NAALADL2: variants seen among roughly 807,000 people sequenced by gnomAD.
NAALADL2 encodes the protein N-acetylated alpha-linked acidic dipeptidase like 2, also known as inactive N-acetylated-alpha-linked acidic dipeptidase-like protein 2.
In NAALADL2, 76 loss-of-function variants were observed where a neutral mutation model predicts 87.2. The observed-to-expected ratio is 0.87, with a 90% CI of 0.72 to 1.05. NAALADL2 has a LOEUF of 1.05. NAALADL2 is among the 50% of genes least tolerant of loss of function. The pLI is 0.00. For missense variants in NAALADL2, 1,089 were observed against 945.8 expected (o/e 1.15, Z -1.99); for synonymous variants, 354 against 331.0 (o/e 1.07, Z -0.75).
At chr3:174,822,614 C>A (rs1403033972) in intron 3 of NAALADL2, among the ~76,000 whole-genome samples, 12 of 152,054 alleles carry the variant, frequency 7.9e-5, no homozygotes, top group Admixed American at 7.9e-4. Context: ...AAGAGCTGAG[C>A]TGGGTCTTGA....
In NAALADL2 at chr3:175,803,393, A is replaced by G; in HGVS notation, c.*190A>G. The G allele has an allele frequency of 2.5e-6, 1 of 404,012 alleles. No homozygotes were observed. Among genetic ancestry groups the G allele is most frequent in the Non-Finnish European group, 4.4e-6 (1 of 228,098 alleles). 25.0% of individuals were successfully genotyped at this position (404,012 alleles called of 1,614,324 possible). Reference sequence around the variant, plus strand: ...TTTGCACATTTAATATTTTTCTTATATCTACATTTCTGAATATGTAAAGCA... The same window carrying G: ...TTTGCACATTTAATATTTTTCTTATGTCTACATTTCTGAATATGTAAAGCA... On this transcript the variant is annotated 3_prime_UTR_variant, in exon 14 of 14. Coordinates refer to ENST00000454872, the MANE Select transcript of NAALADL2 (RefSeq NM_207015.3).
intron 10 of NAALADL2, among the ~76,000 whole-genome samples, chr3:175,585,756 C>T (rs1305111965): frequency 6.6e-6 from 1 of 151,872 alleles, no homozygotes; most frequent in African/African-American, 2.4e-5. Flanking sequence ...GATATGATGA[C>T]GATTTTCCTT....
chr3:175,160,577 C>T (rs1376400197), intron 2 of NAALADL2, among the ~76,000 whole-genome samples: 1 of 151,562 alleles, frequency 6.6e-6, no homozygotes, highest in East Asian at 1.9e-4. Context: ...GTCTTGAGCT[C>T]CCAACCTCAG....
intron 11 of NAALADL2, among the ~76,000 whole-genome samples, chr3:175,658,697 G>A (rs368902214): frequency 6.6e-5 from 10 of 152,232 alleles, no homozygotes; most frequent in African/African-American, 1.4e-4. Flanking sequence ...GTATATGTAT[G>A]TATGGCCACT....
intron 4 of NAALADL2, among the ~76,000 whole-genome samples, chr3:175,291,816 T>C (rs1361225930): frequency 6.6e-6 from 1 of 152,100 alleles, no homozygotes; most frequent in Non-Finnish European, 1.5e-5. Flanking sequence ...AAACATACAA[T>C]GGAGTTTCAA....
chr3:174,861,489 A>T (rs1192926730), intron 1 of NAALADL2, among the ~76,000 whole-genome samples: 1 of 152,136 alleles, frequency 6.6e-6, no homozygotes, highest in Non-Finnish European at 1.5e-5. Flanking sequence ...TTTATAAAAA[A>T]TTCTGAGGTT....
intron 1 of NAALADL2, among the ~76,000 whole-genome samples, chr3:174,884,359 G>A (rs1729800147): frequency 6.6e-6 from 1 of 152,152 alleles, no homozygotes; most frequent in South Asian, 2.1e-4. Context: ...CACCTAGTTG[G>A]GATTGTAATT....
Position 175,463,462 on chromosome 3 carries a change from T to G in NAALADL2, c.1296T>G (p.Val432=), listed in dbSNP as rs181389157. 6.3e-7 allele frequency: 1 copy of G among 1,599,216 alleles called. No individual in the cohort carries two copies. The highest frequency in any genetic ancestry group is 1.7e-5 in the Admixed American group (1 of 59,234). ...TVTKLKTVTN[V]VGFVMGLTSP... ...CAAAATTGAAAACAGTTACTAATGTTGTTGGATTTGTAATGGGCTTGACAT... is the reference window on the plus strand; with the variant it reads ...CAAAATTGAAAACAGTTACTAATGTGGTTGGATTTGTAATGGGCTTGACAT... The change falls in exon 7 of 14, where the codon GTT becomes GTG. Residue 432 remains valine (V), a synonymous_variant. Coordinates refer to ENST00000454872, the MANE Select transcript of NAALADL2 (RefSeq NM_207015.3).
chr3:175,185,931 T>G (rs1250636294), intron 2 of NAALADL2, among the ~76,000 whole-genome samples: 2 of 152,006 alleles, frequency 1.3e-5, no homozygotes, highest in Non-Finnish European at 2.9e-5. Flanking sequence ...CTTATTGCTT[T>G]TAATTTGAAA....
intron 2 of NAALADL2, among the ~76,000 whole-genome samples, chr3:175,216,644 A>AT (rs1383118770): frequency 0.016 from 2,071 of 132,092 alleles, 29 homozygotes; most frequent in Non-Finnish European, 0.026. Context: ...TTGACAAGCA[A>AT]TTTTTTTTCT....
At chr3:175,669,239 G>A (rs1006903285) in intron 11 of NAALADL2, among the ~76,000 whole-genome samples, 5 of 152,040 alleles carry the variant, frequency 3.3e-5, no homozygotes, top group African/African-American at 1.2e-4. Flanking sequence ...GTGAGTTAAA[G>A]GTACTGATGA....
chr3:174,678,508 G>C (rs974644402), intron 2 of NAALADL2, among the ~76,000 whole-genome samples: 1 of 152,062 alleles, frequency 6.6e-6, no homozygotes, highest in Admixed American at 6.6e-5. Context: ...TGTTATGATT[G>C]TTTCATGTTA....
intron 1 of NAALADL2, among the ~76,000 whole-genome samples, chr3:175,044,500 CTG>C (rs1754447458): frequency 6.6e-6 from 1 of 152,076 alleles, no homozygotes; most frequent in South Asian, 2.1e-4. Flanking sequence ...AATCTGATAA[CTG>C]TTATATTCCT....
At chr3:175,239,952 T>C (rs900943692) in intron 3 of NAALADL2, among the ~76,000 whole-genome samples, 40 of 152,178 alleles carry the variant, frequency 2.6e-4, no homozygotes, top group Admixed American at 2.6e-3. Flanking sequence ...AGTCGACACA[T>C]TTAAATGGGA....
At chr3:174,823,859 C>G (rs1291876906) in intron 3 of NAALADL2, among the ~76,000 whole-genome samples, 1 of 152,150 alleles carries the variant, frequency 6.6e-6, no homozygotes, top group Non-Finnish European at 1.5e-5. Flanking sequence ...TACAGGCATG[C>G]ACCACCATGC....
chr3:174,860,413 G>A (rs570919439), intron 1 of NAALADL2, among the ~76,000 whole-genome samples: 94 of 151,816 alleles, frequency 6.2e-4, no homozygotes, highest in Non-Finnish European at 1.2e-3. Context: ...CAAAAGTCAT[G>A]TAATAAATTC....
At chr3:175,013,142 G>A (rs1351772046) in intron 1 of NAALADL2, among the ~76,000 whole-genome samples, 5,184 of 71,006 alleles carry the variant, frequency 0.073, 730 homozygotes, top group East Asian at 0.12. Flanking sequence ...ATATAAATAT[G>A]TAATACATAT....
intron 9 of NAALADL2, among the ~76,000 whole-genome samples, chr3:175,531,607 A>C (rs1734095168): frequency 6.6e-6 from 1 of 152,246 alleles, no homozygotes; most frequent in African/African-American, 2.4e-5. Context: ...CTGAGGTAGG[A>C]CAGTAAAGGT....
intron 3 of NAALADL2, among the ~76,000 whole-genome samples, chr3:175,249,475 A>G (rs1748608049): frequency 6.6e-6 from 1 of 152,072 alleles, no homozygotes; most frequent in African/African-American, 2.4e-5. Flanking sequence ...TAAATTTAAT[A>G]TTTGCATTTA....
Sources: allele counts gnomAD v4.1 joint callset (sites outside exome capture counted in the v4.1 genomes callset), GRCh38; gene constraint gnomAD v4.1.1; transcripts MANE v1.5; gene names NCBI Gene and HGNC (gene_info 2026-07-23, HGNC 2026-07-21).